The following USP34 variants were observed in gnomAD, a reference collection of about 807,000 sequenced individuals.
The protein encoded by USP34 is ubiquitin carboxyl-terminal hydrolase 34.
In USP34, 70 loss-of-function variants were observed where a neutral mutation model predicts 460.3. That is an observed-to-expected ratio of 0.15 (90% CI 0.13 to 0.19). The LOEUF is 0.19. Ranked by LOEUF, USP34 falls within the 10% of genes least tolerant of loss-of-function variation. The pLI is 1.00. For synonymous variants in USP34, 1,647 were observed against 1,405.3 expected, an observed-to-expected ratio of 1.17 and a Z score of -3.85; for missense variants, 3,985 against 4,236.2, an observed-to-expected ratio of 0.94 and a Z score of 1.65.
At chr2:61,402,838 T>C (rs1055474523) in intron 3 of USP34, among the ~76,000 whole-genome samples, 2 of 152,176 alleles carry the variant, frequency 1.3e-5, no homozygotes, top group Admixed American at 1.3e-4. Flanking sequence ...TTTAAAATAA[T>C]TGTGTGTATA....
intron 3 of USP34, among the ~76,000 whole-genome samples, chr2:61,400,616 G>A: frequency 6.6e-6 from 1 of 152,076 alleles, no homozygotes; most frequent in Non-Finnish European, 1.5e-5. Context: ...TTGGGAGGCT[G>A]AGGCAGGAAG....
At chr2:61,373,613 A>G (rs1270640676) in intron 8 of USP34, among the ~76,000 whole-genome samples, 1 of 152,236 alleles carries the variant, frequency 6.6e-6, no homozygotes, top group African/African-American at 2.4e-5. Flanking sequence ...CTAACAAAAG[A>G]ATTCCTGAAA....
In USP34 at chr2:61,223,130, C is replaced by A; in HGVS notation, c.7679G>T (p.Gly2560Val). The change falls in exon 64 of 80, where the codon GGC becomes GTC. Residue 2560 changes from glycine (G) to valine (V), a missense_variant. This residue lies in a region of USP34 where 604 missense variants were observed against 684.8 expected (regional missense o/e 0.88). Transcript: ENST00000398571. ...FPFLFQHIRD[G>V]INIRQTCNLI... ...ATTACAAGTTTGTCTTATATTGATG[C>A]CATCACGAATATGTTGAAACAAGAA... The A allele has an allele frequency of 6.2e-7, 1 of 1,613,952 alleles. No homozygotes were observed. The highest frequency in any genetic ancestry group is 8.5e-7 in the Non-Finnish European group (1 of 1,179,920).
chr2:61,347,485 T>C (rs1244239877), intron 15 of USP34, among the ~76,000 whole-genome samples: 1 of 152,188 alleles, frequency 6.6e-6, no homozygotes, highest in Non-Finnish European at 1.5e-5. Flanking sequence ...GTGATTCTCC[T>C]GCCTCAGCCT....
chr2:61,195,366 T>TA (rs34844512), intron 75 of USP34, among the ~76,000 whole-genome samples: 23,592 of 140,178 alleles, frequency 0.17, 2,203 homozygotes, highest in African/African-American at 0.22. Flanking sequence ...TTTTAAAGGT[T>TA]AAAAAAAAAA....
intron 3 of USP34, among the ~76,000 whole-genome samples, chr2:61,398,071 C>CA (rs940787565): frequency 4.7e-5 from 7 of 150,074 alleles, no homozygotes; most frequent in Non-Finnish European, 8.9e-5. Context: ...ACTCCGCCTC[C>CA]AAAAAAAAAG....
intron 34 of USP34, among the ~76,000 whole-genome samples, chr2:61,285,745 G>T (rs1335642022): frequency 6.6e-6 from 1 of 151,952 alleles, no homozygotes; most frequent in East Asian, 1.9e-4. Flanking sequence ...CCTGAAATAA[G>T]AATTAAAAAG....
rs142193133 is a variant in USP34 at position 61,397,576 on chromosome 2, G to T, written c.553-2343C>A. Among the ~76,000 whole-genome samples, 690 of 152,260 alleles carry T rather than the reference G, an allele frequency of 4.5e-3. 7 individuals carry two copies. Among genetic ancestry groups the T allele is most frequent in the Middle Eastern group, 0.031 (9 of 294 alleles). On this transcript the variant is annotated intron_variant, in intron 3 of 79. Coordinates refer to ENST00000398571, the MANE Select transcript of USP34 (RefSeq NM_014709.4). ...AGGTCAGGAGTTCAAAACCAGCCTGGCCAACATGGTGAAACCGCGTCTCTA... is the reference window on the plus strand; with the variant it reads ...AGGTCAGGAGTTCAAAACCAGCCTGTCCAACATGGTGAAACCGCGTCTCTA...
At chr2:61,359,172 A>G (rs182670874) in intron 10 of USP34, among the ~76,000 whole-genome samples, 33 of 152,322 alleles carry the variant, frequency 2.2e-4, no homozygotes, top group Admixed American at 5.9e-4. Flanking sequence ...AAACTTGCAA[A>G]AAGAAAAAAA....
chr2:61,316,674 C>T (rs566333408), intron 23 of USP34, among the ~76,000 whole-genome samples: 2 of 152,052 alleles, frequency 1.3e-5, no homozygotes, highest in African/African-American at 4.8e-5. Flanking sequence ...CACCTGACGT[C>T]AGGAGCTCGA....
At chr2:61,417,189 T>A (rs1573020377) in intron 2 of USP34, 6 of 1,572,624 alleles carry the variant, frequency 3.8e-6, no homozygotes, top group East Asian at 2.2e-5. Context: ...ACATGCCTGT[T>A]TGGACCCTAC....
intron 5 of USP34, among the ~76,000 whole-genome samples, chr2:61,387,279 A>C (rs1015914382): frequency 1.3e-5 from 2 of 151,984 alleles, no homozygotes; most frequent in Non-Finnish European, 2.9e-5. Flanking sequence ...CTGGCCAAAC[A>C]TAGTGAAATC....
chr2:61,338,158 T>C (rs780176815), intron 18 of USP34, among the ~76,000 whole-genome samples: 5 of 152,146 alleles, frequency 3.3e-5, no homozygotes, highest in Non-Finnish European at 7.4e-5. Flanking sequence ...TCCATCTCTA[T>C]GAAAGTACAA....
At chr2:61,258,808 G>A (rs766269210) in intron 44 of USP34, among the ~76,000 whole-genome samples, 7 of 152,096 alleles carry the variant, frequency 4.6e-5, no homozygotes, top group Admixed American at 1.3e-4. Context: ...GTAATTAAGG[G>A]ATACTAAGAT....
chr2:61,376,976 G>A (rs924688142), intron 8 of USP34, among the ~76,000 whole-genome samples: 8 of 152,122 alleles, frequency 5.3e-5, no homozygotes, highest in Non-Finnish European at 8.8e-5. Context: ...ACTGGATATC[G>A]TCTACATAAT....
At chr2:61,224,268 T>C (rs1237634002) in intron 62 of USP34, among the ~76,000 whole-genome samples, 1 of 152,234 alleles carries the variant, frequency 6.6e-6, no homozygotes, top group East Asian at 1.9e-4. Flanking sequence ...TGAAGGTCAT[T>C]TGTCCTGTAG....
At chr2:61,424,438 GTATT>G (rs2103981268) in intron 1 of USP34, among the ~76,000 whole-genome samples, 1 of 152,284 alleles carries the variant, frequency 6.6e-6, no homozygotes, top group South Asian at 2.1e-4. Context: ...CTGGTATGAG[GTATT>G]TAAAGTAGCC....
chr2:61,262,116 A>AAAAAAAAAAT (rs1553359480), intron 43 of USP34, among the ~76,000 whole-genome samples: 1 of 47,382 alleles, frequency 2.1e-5, no homozygotes, highest in African/African-American at 8.2e-5. Context: ...AAAAAAAAAA[A>AAAAAAAAAAT]ATATATATAT....
chr2:61,410,079 G>C (rs995652698), intron 2 of USP34, among the ~76,000 whole-genome samples: 31 of 152,156 alleles, frequency 2.0e-4, no homozygotes, highest in African/African-American at 7.0e-4. Context: ...TTTTGTGGAA[G>C]ACAATTTCTC....
Sources: allele counts gnomAD v4.1 joint callset (sites outside exome capture counted in the v4.1 genomes callset), GRCh38; gene constraint gnomAD v4.1.1; regional missense constraint gnomAD v4.1.1; transcripts MANE v1.5; gene names NCBI Gene and HGNC (gene_info 2026-07-23, HGNC 2026-07-21).